Variants in ANXA11 observed in about 807,000 individuals in gnomAD.
The protein encoded by ANXA11 is 56 kDa autoantigen.
In ANXA11, 57 loss-of-function variants were observed where a neutral mutation model predicts 64.7. The ratio of observed to expected loss-of-function variants is 0.88; its 90% CI spans 0.71 to 1.10. The LOEUF is 1.10. Ranked by LOEUF, ANXA11 falls within the 50% of genes least tolerant of loss-of-function variation. The pLI is 0.00. For synonymous variants in ANXA11, 260 were observed against 265.2 expected (o/e 0.98, Z 0.19); for missense variants, 675 against 670.7 (o/e 1.01, Z -0.07).
chr10:80,196,426 C>T (rs1362253332), intron 1 of ANXA11, among the ~76,000 whole-genome samples: 1 of 152,128 alleles, frequency 6.6e-6, no homozygotes, highest in Non-Finnish European at 1.5e-5. Context: ...TGGACTCTGA[C>T]TCATTTCTTT....
chr10:80,188,732 A>C (rs959573218), intron 1 of ANXA11, among the ~76,000 whole-genome samples: 1 of 152,086 alleles, frequency 6.6e-6, no homozygotes, highest in Non-Finnish European at 1.5e-5. Flanking sequence ...AAAGAACAGG[A>C]ACGCGCTTTG....
rs1349917384 is a variant in ANXA11 at position 80,151,667 on chromosome 10, C to T, written c.*4186G>A. ...GCACCTGCAAAGGTTCATCTTTCAG[C>T]TCCCTCTTCCCAAAGCTAGGAGTGC... On this transcript the variant is annotated 3_prime_UTR_variant, in exon 16 of 16. Transcript: ENST00000422982. 1.3e-5 allele frequency: 2 copies of T among 152,240 alleles called. No homozygotes were observed. The highest frequency in any genetic ancestry group is 2.9e-5 in the Non-Finnish European group (2 of 68,048). 9.4% of individuals were successfully genotyped at this position (152,240 alleles called of 1,614,324 possible).
chr10:80,188,990 C>G (rs1009250470), intron 1 of ANXA11, among the ~76,000 whole-genome samples: 4 of 152,080 alleles, frequency 2.6e-5, no homozygotes, highest in Admixed American at 2.0e-4. Flanking sequence ...CTTTTCAGAG[C>G]CTGAAACTCA....
rs1845262324 is a variant in ANXA11 at position 80,156,035 on chromosome 10, C to T, written c.1459-123G>A. ...AAAGCCCCACCCTGGGGAATTTTCT[C>T]CCACTGCAGGTCCTGCAGCAGGCGT... On this transcript the variant is annotated intron_variant, in intron 15 of 15. Coordinates refer to ENST00000422982, the MANE Select transcript of ANXA11 (RefSeq NM_145868.2). 6 of 921,718 alleles carry T rather than the reference C, an allele frequency of 6.5e-6. No homozygotes were observed. In the Admixed American group the frequency reaches 1.2e-4, roughly 18 times the overall value. The allele number at this position is 921,718 out of a possible 1,614,324, so 57.1% of individuals were successfully genotyped here. A position where few individuals can be genotyped will look rare whatever the true frequency, so the allele number is the denominator to read the frequency against.
At chr10:80,165,695 G>A (rs148581673) in intron 8 of ANXA11, among the ~76,000 whole-genome samples, 2 of 152,152 alleles carry the variant, frequency 1.3e-5, no homozygotes, top group Non-Finnish European at 2.9e-5. Flanking sequence ...AAACCGAAGT[G>A]TGTTTCTGTC....
At chr10:80,188,029 G>T (rs1000139360) in intron 1 of ANXA11, among the ~76,000 whole-genome samples, 4 of 151,904 alleles carry the variant, frequency 2.6e-5, no homozygotes, top group Non-Finnish European at 5.9e-5. Flanking sequence ...GGAGGTAAAG[G>T]GAAGCTCTGC....
chr10:80,166,584 C>A (rs1446037010), intron 7 of ANXA11: 1 of 481,394 alleles, frequency 2.1e-6, no homozygotes, highest in Non-Finnish European at 3.7e-6. Context: ...CAGCTAAACC[C>A]CCCAGGGTGG....
rs758453848 is a variant in ANXA11, at chr10:80,166,044, A to G, written c.858+40T>C. The G allele has an allele frequency of 3.1e-3, 542 of 173,760 alleles. 1 individual carries two copies. The highest frequency in any genetic ancestry group is 4.1e-3 in the Non-Finnish European group (406 of 98,130). The allele number at this position is 173,760 out of a possible 1,614,324, so 10.8% of individuals were successfully genotyped here. On this transcript the variant is annotated intron_variant, in intron 8 of 15. Coordinates refer to ENST00000422982, the MANE Select transcript of ANXA11 (RefSeq NM_145868.2). ...TGCGCGCGTGCGCACACACGCGCGC[A>G]CACACACACACACACACACACACAC...
intron 12 of ANXA11, among the ~76,000 whole-genome samples, chr10:80,159,972 C>T (rs1845440331): frequency 2.0e-5 from 3 of 152,196 alleles, no homozygotes; most frequent in Admixed American, 2.0e-4. Context: ...CTCACCTCGA[C>T]CTAGGACACG....
At chr10:80,186,580 A>C (rs1400752312) in intron 1 of ANXA11, among the ~76,000 whole-genome samples, 1 of 152,048 alleles carries the variant, frequency 6.6e-6, no homozygotes, top group Non-Finnish European at 1.5e-5. Context: ...CGGAGAGTAA[A>C]CCTGCCTGGG....
chr10:80,175,942 T>C (rs1846153038), intron 2 of ANXA11, among the ~76,000 whole-genome samples, 165 bp downstream of exon 2: 1 of 152,242 alleles, frequency 6.6e-6, no homozygotes, highest in African/African-American at 2.4e-5. Flanking sequence ...TAATACCAGC[T>C]ACTCGGGAGG....
At chr10:80,167,198 A>G in intron 6 of ANXA11, 28 bp downstream of exon 6, 4 of 1,606,998 alleles carry the variant, frequency 2.5e-6, no homozygotes, top group Non-Finnish European at 3.4e-6. Flanking sequence ...GGCAGGGAGT[A>G]GGATTTGAGC....
At chr10:80,181,131 T>A (rs1438916556) in intron 1 of ANXA11, 1 of 152,204 alleles carries the variant, frequency 6.6e-6, no homozygotes, top group Non-Finnish European at 1.5e-5. Flanking sequence ...GCAGGTCCAA[T>A]AATCCCTGCT....
At chr10:80,192,208 T>TA (rs575893917) in intron 1 of ANXA11, among the ~76,000 whole-genome samples, 99 of 152,206 alleles carry the variant, frequency 6.5e-4, no homozygotes, top group Admixed American at 1.6e-3. Flanking sequence ...AATTTTGCAA[T>TA]ATTGGGGAAT....
intron 3 of ANXA11, chr10:80,171,737 C>T: frequency 1.0e-6 from 1 of 985,538 alleles, no homozygotes; most frequent in Non-Finnish European, 1.2e-6. Flanking sequence ...CCAGACCCTC[C>T]AGGAAGAACC....
intron 1 of ANXA11, among the ~76,000 whole-genome samples, chr10:80,188,299 G>A (rs34870056): frequency 0.078 from 11,870 of 151,746 alleles, 640 homozygotes; most frequent in South Asian, 0.2. Context: ...CTGCTGCTAG[G>A]CCACTGGGAT....
chr10:80,158,433 C>T (rs886477997), intron 13 of ANXA11, among the ~76,000 whole-genome samples: 5 of 152,044 alleles, frequency 3.3e-5, no homozygotes, highest in African/African-American at 7.2e-5. Context: ...GTGCATCTCC[C>T]TAGGCTTCCC....
chr10:80,178,130 C>G (rs1340302670), intron 1 of ANXA11, among the ~76,000 whole-genome samples: 1 of 152,142 alleles, frequency 6.6e-6, no homozygotes, highest in Non-Finnish European at 1.5e-5. Context: ...TTCTAAGGCC[C>G]TCGGGTCCCC....
Position 80,173,830 on chromosome 10 carries a change from A to G in ANXA11, c.-8-961T>C, listed in dbSNP as rs141189759. ...GGCTTCTTTTTACACACTGGGTTTC[A>G]CGCTGCAATGCATATCAGAATCACC... is the stretch of plus-strand genomic sequence containing the variant. On this transcript the variant is annotated intron_variant, in intron 2 of 15. Coordinates refer to ENST00000422982, the MANE Select transcript of ANXA11 (RefSeq NM_145868.2). Among the ~76,000 whole-genome samples the G allele has an allele frequency of 6.2e-3, 950 of 152,320 alleles. 4 individuals are homozygous for G. Among genetic ancestry groups the G allele is most frequent in the Middle Eastern group, 0.024 (7 of 294 alleles).
Sources: allele counts gnomAD v4.1 joint callset (sites outside exome capture counted in the v4.1 genomes callset), GRCh38; gene constraint gnomAD v4.1.1; transcripts MANE v1.5; gene names NCBI Gene and HGNC (gene_info 2026-07-23, HGNC 2026-07-21).